Variants in NAA35 observed in about 807,000 individuals in gnomAD.
NAA35 encodes the protein N-alpha-acetyltransferase 35, NatC auxiliary subunit, also known as MAK10 homolog, amino-acid N-acetyltransferase subunit.
A neutral mutation model predicts 101.7 loss-of-function variants in NAA35; 18 were observed. The observed-to-expected ratio is 0.18, with a 90% CI of 0.12 to 0.26. The LOEUF is 0.26. NAA35 is among the 10% of genes least tolerant of loss of function. The probability of loss-of-function intolerance (pLI) is 1.00; values close to 1 mark genes in which losing one functional copy is unlikely to be tolerated. For missense variants in NAA35, 601 were observed against 886.8 expected (o/e 0.68, Z 4.09); for synonymous variants, 267 against 273.1 (o/e 0.98, Z 0.22).
At chr9:86,006,389 C>T (rs949326103) in intron 13 of NAA35, among the ~76,000 whole-genome samples, 7 of 151,474 alleles carry the variant, frequency 4.6e-5, no homozygotes, top group East Asian at 1.9e-4. Flanking sequence ...TCATCAAAAA[C>T]AGACAACCCA....
chr9:85,986,653 C>T (rs886913612), intron 11 of NAA35: 3 of 324,702 alleles, frequency 9.2e-6, no homozygotes, highest in East Asian at 1.0e-4. Flanking sequence ...GGCGTGATCT[C>T]GGCTCAATGC....
chr9:85,997,659 T>C (rs1831223499), intron 12 of NAA35, among the ~76,000 whole-genome samples: 1 of 152,066 alleles, frequency 6.6e-6, no homozygotes, highest in Non-Finnish European at 1.5e-5. Context: ...TAAATTTTTA[T>C]TTATTGTGGA....
At chr9:85,982,986 A>G (rs953095240) in intron 11 of NAA35, among the ~76,000 whole-genome samples, 2 of 152,226 alleles carry the variant, frequency 1.3e-5, no homozygotes, top group African/African-American at 4.8e-5. Context: ...TTGGTTTGCC[A>G]GATACTTCTG....
At chr9:86,003,942 A>G (rs960431555) in intron 13 of NAA35, among the ~76,000 whole-genome samples, 20 of 152,190 alleles carry the variant, frequency 1.3e-4, no homozygotes, top group Non-Finnish European at 2.4e-4. Flanking sequence ...AAAATCTCCA[A>G]ATATTTTGAA....
intron 6 of NAA35, among the ~76,000 whole-genome samples, chr9:85,965,311 A>T (rs11141163): frequency 0.016 from 2,496 of 152,288 alleles, 65 homozygotes; most frequent in African/African-American, 0.055. Flanking sequence ...TAATTAAAAG[A>T]TGTTACATTC....
intron 7 of NAA35, 25 bp downstream of exon 7, chr9:85,975,058 C>T (rs368827557): frequency 5.0e-6 from 8 of 1,611,136 alleles, no homozygotes; most frequent in South Asian, 1.1e-5. Flanking sequence ...AAAGTTAATT[C>T]ACAAGTTTTA....
intron 6 of NAA35, among the ~76,000 whole-genome samples, chr9:85,971,540 G>A (rs1829999612): frequency 1.3e-5 from 2 of 152,094 alleles, no homozygotes; most frequent in South Asian, 2.1e-4. Context: ...ATACAATGAT[G>A]AAGTCCAAAT....
chr9:86,007,403 A>T lies in NAA35; in HGVS notation c.1162A>T (p.Met388Leu), dbSNP rs1362628040. ...CAAAAAGGTCTTTGGAACTCATCTC[A>T]TGCAAGACATGGTGAAAGATGCACT... The part of the protein sequence containing the change: ...DNKKVFGTHL[M>L]QDMVKDALRS... The change falls in exon 14 of 23, where the codon ATG (methionine) becomes TTG (leucine). Residue 388 changes from methionine (M) to leucine (L), a missense_variant. Met to Leu is a conservative substitution (Grantham distance 15). Coordinates refer to ENST00000361671, the MANE Select transcript of NAA35 (RefSeq NM_024635.4). 1 of 1,613,622 alleles carries T rather than the reference A, an allele frequency of 6.2e-7. No individual in the cohort carries two copies. The highest frequency in any genetic ancestry group is 1.3e-5 in the African/African-American group (1 of 74,926).
At chr9:85,960,351 A>G (rs1384083234) in intron 5 of NAA35, among the ~76,000 whole-genome samples, 2 of 152,072 alleles carry the variant, frequency 1.3e-5, no homozygotes, top group African/African-American at 4.8e-5. Flanking sequence ...AGAAATTCTC[A>G]TTTCTACTGC....
chr9:85,997,086 G>A (rs1337158179), intron 12 of NAA35, among the ~76,000 whole-genome samples: 1 of 151,972 alleles, frequency 6.6e-6, no homozygotes, highest in Non-Finnish European at 1.5e-5. Flanking sequence ...CCAAGAAGCT[G>A]GGACCACAGG....
intron 18 of NAA35, 73 bp downstream of exon 18, chr9:86,016,748 C>A: frequency 6.8e-7 from 1 of 1,469,814 alleles, no homozygotes; most frequent in Non-Finnish European, 9.2e-7. Flanking sequence ...TGGAGAGCTA[C>A]TCGTGAGTTG....
intron 5 of NAA35, among the ~76,000 whole-genome samples, chr9:85,961,169 A>G (rs1175285907): frequency 6.6e-6 from 1 of 152,222 alleles, no homozygotes; most frequent in African/African-American, 2.4e-5. Context: ...TCTTCTGCAC[A>G]CTAGTTAATA....
At chr9:85,950,706 GATT>G (rs1470196361) in intron 2 of NAA35, among the ~76,000 whole-genome samples, 1 of 152,090 alleles carries the variant, frequency 6.6e-6, no homozygotes, top group African/African-American at 2.4e-5. Flanking sequence ...ATACATGATA[GATT>G]ATTACAGCAG....
intron 21 of NAA35, 30 bp downstream of exon 21, chr9:86,018,851 GA>G: frequency 6.2e-7 from 1 of 1,604,882 alleles, no homozygotes. Context: ...AATTCTAGGG[GA>G]AAAGCGTGGC....
At chr9:85,989,673 A>G (rs1051536883) in intron 11 of NAA35, among the ~76,000 whole-genome samples, 3 of 152,228 alleles carry the variant, frequency 2.0e-5, no homozygotes, top group East Asian at 3.8e-4. Context: ...CTACTGAGAC[A>G]TAAATGGAAA....
chr9:85,954,158 G>A (rs1287824315), intron 2 of NAA35, among the ~76,000 whole-genome samples: 1 of 152,018 alleles, frequency 6.6e-6, no homozygotes, highest in Non-Finnish European at 1.5e-5. Context: ...GTGGCTTTCT[G>A]CTACCTCAAA....
chr9:85,962,490 C>CAAAAAAAAAAA (rs781302881), intron 6 of NAA35, among the ~76,000 whole-genome samples: 9 of 85,924 alleles, frequency 1.0e-4, no homozygotes, highest in East Asian at 3.6e-4. Context: ...GACTCTGTCT[C>CAAAAAAAAAAA]AAAAAAAAAA....
chr9:85,945,187 T>C (rs375308137), intron 2 of NAA35, among the ~76,000 whole-genome samples: 3 of 152,182 alleles, frequency 2.0e-5, no homozygotes, highest in Admixed American at 6.5e-5. Flanking sequence ...ACATGCCATT[T>C]TGTGGCCAAC....
chr9:85,960,364 C>T (rs1224065744), intron 5 of NAA35, among the ~76,000 whole-genome samples: 2 of 151,188 alleles, frequency 1.3e-5, no homozygotes, highest in Non-Finnish European at 2.9e-5. Context: ...TCTACTGCTT[C>T]CCCCCCGCCC....
Sources: allele counts gnomAD v4.1 joint callset (sites outside exome capture counted in the v4.1 genomes callset), GRCh38; gene constraint gnomAD v4.1.1; transcripts MANE v1.5; gene names NCBI Gene and HGNC (gene_info 2026-07-23, HGNC 2026-07-21).